The following WWOX variants were observed in gnomAD, a reference collection of about 807,000 sequenced individuals.
WWOX encodes the protein WW domain containing oxidoreductase.
In WWOX, 69 loss-of-function variants were observed where a neutral mutation model predicts 46.2. The observed-to-expected ratio is 1.49, with a 90% CI of 1.23 to 1.82. The LOEUF (loss-of-function observed/expected upper bound fraction) is 1.82. Among genes scored for constraint, WWOX ranks in the 40% most tolerant of loss-of-function variants. The pLI is 0.00. For missense variants in WWOX, 919 were observed against 542.6 expected (o/e 1.69, Z -6.89); for synonymous variants, 359 against 202.6 (o/e 1.77, Z -6.56).
At chr16:78,398,334 G>C (rs555985259) in intron 6 of WWOX, among the ~76,000 whole-genome samples, 34 of 152,220 alleles carry the variant, frequency 2.2e-4, no homozygotes, top group Middle Eastern at 3.4e-3. Context: ...CTTATGTTCT[G>C]GATCCTGACT....
chr16:78,926,817 G>C (rs1487853939), intron 8 of WWOX, among the ~76,000 whole-genome samples: 1 of 152,100 alleles, frequency 6.6e-6, no homozygotes, highest in African/African-American at 2.4e-5. Context: ...CGTTTTTTGA[G>C]AAGGGGTCTC....
chr16:79,038,027 G>T (rs572920540), intron 8 of WWOX, among the ~76,000 whole-genome samples: 23 of 152,234 alleles, frequency 1.5e-4, no homozygotes, highest in African/African-American at 5.3e-4. Flanking sequence ...ATATCTGCCA[G>T]TTCCCCTGTA....
intron 8 of WWOX, among the ~76,000 whole-genome samples, chr16:79,080,041 T>C (rs1420041788): frequency 2.0e-5 from 3 of 152,214 alleles, no homozygotes; most frequent in Admixed American, 6.5e-5. Context: ...ACTGGGAATA[T>C]AGCAGGATAT....
chr16:78,899,404 C>A (rs2044773165), intron 8 of WWOX: 1 of 152,148 alleles, frequency 6.6e-6, no homozygotes, highest in African/African-American at 2.4e-5. Context: ...AGAAACCTGG[C>A]CTGTTTATTT....
At chr16:79,198,253 G>T (rs184845410) in intron 8 of WWOX, among the ~76,000 whole-genome samples, 3 of 152,214 alleles carry the variant, frequency 2.0e-5, no homozygotes, top group Admixed American at 1.3e-4. Context: ...CAGGAGAATC[G>T]CTTGAACCTG....
chr16:79,121,022 GC>G (rs758708308), intron 8 of WWOX, among the ~76,000 whole-genome samples: 5 of 152,312 alleles, frequency 3.3e-5, no homozygotes, highest in Non-Finnish European at 5.9e-5. Context: ...ACCTGCCTTG[GC>G]CTCCCAAAGT....
intron 8 of WWOX, among the ~76,000 whole-genome samples, chr16:78,601,790 T>C (rs1245950008): frequency 1.3e-5 from 2 of 152,192 alleles, no homozygotes; most frequent in African/African-American, 4.8e-5. Flanking sequence ...TTCAATGATT[T>C]TCTCTGCGGA....
At chr16:78,355,523 T>C in intron 5 of WWOX, 2 of 381,662 alleles carry the variant, frequency 5.2e-6, no homozygotes, top group South Asian at 2.5e-5. Flanking sequence ...AATTACTTGA[T>C]GAAACATGGC....
intron 5 of WWOX, among the ~76,000 whole-genome samples, chr16:78,165,848 C>G (rs1039248959): frequency 6.6e-6 from 1 of 152,158 alleles, no homozygotes. Flanking sequence ...TTATCTTGAG[C>G]TCACTGAGCT....
intron 8 of WWOX, among the ~76,000 whole-genome samples, chr16:78,452,985 G>C (rs2083728558): frequency 1.3e-5 from 2 of 151,234 alleles, no homozygotes; most frequent in African/African-American, 4.9e-5. Flanking sequence ...TGGCCTAAGT[G>C]ATCCTCCTCT....
Position 78,338,119 on chromosome 16 carries a change from T to G in WWOX, c.517-48741T>G, listed in dbSNP as rs2080935840. Among the ~76,000 whole-genome samples the G allele has an allele frequency of 1.6e-5, 2 of 121,908 alleles. 1 individual carries two copies. The highest frequency in any genetic ancestry group is 3.9e-5 in the Non-Finnish European group (2 of 50,956). 80.0% of individuals were successfully genotyped at this position (121,908 alleles called of 152,430 possible). ...GGTAACTAATTTAGGCAGTGTCTTTTGCTTTCACATGGTGTACCCAGTACT... is the reference window on the plus strand; with the variant it reads ...GGTAACTAATTTAGGCAGTGTCTTTGGCTTTCACATGGTGTACCCAGTACT... On this transcript the variant is annotated intron_variant, in intron 5 of 8. Transcript: ENST00000566780.
chr16:78,297,563 A>G (rs779865979), intron 5 of WWOX, among the ~76,000 whole-genome samples: 2 of 152,222 alleles, frequency 1.3e-5, no homozygotes. Context: ...ATTTGAATGT[A>G]TTATGGACTG....
At chr16:78,448,404 C>G (rs1261856750) in intron 8 of WWOX, among the ~76,000 whole-genome samples, 1 of 152,172 alleles carries the variant, frequency 6.6e-6, no homozygotes, top group African/African-American at 2.4e-5. Context: ...AGATTAGGAA[C>G]CAGCCATTGC....
intron 5 of WWOX, among the ~76,000 whole-genome samples, chr16:78,385,134 AACAC>A (rs61262578): frequency 1.1e-4 from 16 of 143,140 alleles, no homozygotes; most frequent in South Asian, 2.2e-4. Flanking sequence ...ACTCCATCTA[AACAC>A]ACACACACAC....
chr16:78,555,445 ATTAC>A (rs2044271211), intron 8 of WWOX, among the ~76,000 whole-genome samples: 1 of 152,076 alleles, frequency 6.6e-6, no homozygotes, highest in Non-Finnish European at 1.5e-5. Flanking sequence ...CTTTAGGTAA[ATTAC>A]TTATTCTCTT....
chr16:79,025,803 G>GT (rs2047627885), intron 8 of WWOX, among the ~76,000 whole-genome samples: 2 of 26,080 alleles, frequency 7.7e-5, no homozygotes, highest in African/African-American at 2.9e-4. Context: ...TTGCTTGCTT[G>GT]CTTTTTTTTT....
chr16:78,416,797 T>A (rs1007179546), intron 6 of WWOX, among the ~76,000 whole-genome samples: 1 of 152,202 alleles, frequency 6.6e-6, no homozygotes, highest in African/African-American at 2.4e-5. Flanking sequence ...AAATAACAAT[T>A]ATCTAAGCTG....
At chr16:79,139,274 C>T (rs998452977) in intron 8 of WWOX, among the ~76,000 whole-genome samples, 3 of 152,206 alleles carry the variant, frequency 2.0e-5, no homozygotes, top group South Asian at 2.1e-4. Flanking sequence ...CTGCTGATCA[C>T]GTTAAGCCAG....
chr16:78,305,511 C>CTCA (rs2080118220), intron 5 of WWOX, among the ~76,000 whole-genome samples: 1 of 152,104 alleles, frequency 6.6e-6, no homozygotes, highest in Non-Finnish European at 1.5e-5. Flanking sequence ...CCCCTGAGTT[C>CTCA]CCTCTGGAAG....
Sources: allele counts gnomAD v4.1 joint callset (sites outside exome capture counted in the v4.1 genomes callset), GRCh38; gene constraint gnomAD v4.1.1; transcripts MANE v1.5; gene names NCBI Gene and HGNC (gene_info 2026-07-23, HGNC 2026-07-21).